The following AKAP19 variants were observed in gnomAD, a reference collection of about 807,000 sequenced individuals.
AKAP19 encodes the protein small A-kinase anchoring protein.
chr2:189,948,324 T>A, the AKAP19 span, among the ~76,000 whole-genome samples: 2 of 152,126 alleles, frequency 1.3e-5, no homozygotes, highest in Non-Finnish European at 2.9e-5. Flanking sequence ...ATGAGAAGAA[T>A]AATTTTCTTT....
the AKAP19 span, among the ~76,000 whole-genome samples, chr2:189,939,814 A>T: frequency 6.6e-6 from 1 of 152,206 alleles, no homozygotes; most frequent in Non-Finnish European, 1.5e-5. Flanking sequence ...TGGATCATTC[A>T]GAGGAAAGGA....
At chr2:189,998,603 A>C in the AKAP19 span, among the ~76,000 whole-genome samples, 13 of 152,170 alleles carry the variant, frequency 8.5e-5, no homozygotes, top group Admixed American at 8.5e-4. Context: ...GGTAAGAGTT[A>C]ATGTACTCTT....
the AKAP19 span, among the ~76,000 whole-genome samples, chr2:189,966,182 T>TG: frequency 2.8e-5 from 4 of 141,872 alleles, no homozygotes; most frequent in South Asian, 2.5e-4. Flanking sequence ...TTTGGGTACC[T>TG]GGGGGGGAAA....
the AKAP19 span, among the ~76,000 whole-genome samples, chr2:189,918,536 A>C: frequency 1.3e-5 from 2 of 152,190 alleles, no homozygotes; most frequent in African/African-American, 2.4e-5. Context: ...AATGTGGAGA[A>C]ATTGTAACAC....
At chr2:189,947,232 A>T in the AKAP19 span, among the ~76,000 whole-genome samples, 3 of 152,206 alleles carry the variant, frequency 2.0e-5, no homozygotes, top group Non-Finnish European at 4.4e-5. Context: ...AACAGAAAGA[A>T]GATCAGTTTG....
At chr2:189,898,618 C>T in the AKAP19 span, among the ~76,000 whole-genome samples, 1,413 of 152,254 alleles carry the variant, frequency 9.3e-3, 20 homozygotes, top group South Asian at 0.052. Context: ...AGAGTCCACC[C>T]AAGCTCTCAA....
At chr2:190,086,164 ATAGAT>A in the AKAP19 span, among the ~76,000 whole-genome samples, 1 of 152,248 alleles carries the variant, frequency 6.6e-6, no homozygotes, top group Non-Finnish European at 1.5e-5. Flanking sequence ...TAACATACAC[ATAGAT>A]TAGACTTGAA....
At chr2:190,000,585 A>G in the AKAP19 span, among the ~76,000 whole-genome samples, 1 of 152,214 alleles carries the variant, frequency 6.6e-6, no homozygotes, top group African/African-American at 2.4e-5. Flanking sequence ...TGGAACTATT[A>G]GGGGAAACAT....
the AKAP19 span, chr2:190,199,766 C>G: frequency 6.5e-7 from 1 of 1,540,860 alleles, no homozygotes; most frequent in Non-Finnish European, 8.7e-7. Flanking sequence ...AGGGAAAGCA[C>G]TGGTCAACAT....
the AKAP19 span, among the ~76,000 whole-genome samples, chr2:189,991,582 A>G: frequency 4.6e-5 from 7 of 152,158 alleles, no homozygotes; most frequent in Non-Finnish European, 7.4e-5. Flanking sequence ...AATTCTTTAT[A>G]GATTCTGGTT....
chr2:189,939,971 C>A, the AKAP19 span, among the ~76,000 whole-genome samples: 1 of 151,938 alleles, frequency 6.6e-6, no homozygotes, highest in African/African-American at 2.4e-5. Context: ...AAGGCAAAAC[C>A]CCATCTCTAC....
chr2:189,890,386 GTA>G, the AKAP19 span, among the ~76,000 whole-genome samples: 2 of 152,192 alleles, frequency 1.3e-5, no homozygotes, highest in African/African-American at 2.4e-5. Context: ...TGAGAAGAAT[GTA>G]TATTCTGTTG....
the AKAP19 span, among the ~76,000 whole-genome samples, chr2:190,038,986 CCTTTCT>C: frequency 5.1e-5 from 6 of 117,876 alleles, no homozygotes; most frequent in African/African-American, 2.0e-4. Flanking sequence ...TCTTCTTCTT[CCTTTCT>C]TTCTTCTCTT....
the AKAP19 span, among the ~76,000 whole-genome samples, chr2:190,009,113 G>A: frequency 6.6e-6 from 1 of 152,132 alleles, no homozygotes; most frequent in Non-Finnish European, 1.5e-5. Context: ...CACTGTGGGT[G>A]GAATAAATTC....
chr2:189,925,217 G>T, the AKAP19 span, among the ~76,000 whole-genome samples: 4 of 152,054 alleles, frequency 2.6e-5, no homozygotes, highest in Non-Finnish European at 5.9e-5. Flanking sequence ...TAACAATGTT[G>T]TGTGTTGACT....
the AKAP19 span, among the ~76,000 whole-genome samples, chr2:190,045,380 C>T: frequency 9.9e-5 from 15 of 151,890 alleles, no homozygotes; most frequent in African/African-American, 3.6e-4. Flanking sequence ...AGCACCGTCC[C>T]AGGGGGATTT....
At chr2:190,030,765 C>T in the AKAP19 span, among the ~76,000 whole-genome samples, 2 of 152,130 alleles carry the variant, frequency 1.3e-5, no homozygotes, top group South Asian at 4.1e-4. Context: ...TTGAAAGTGT[C>T]ATGTTTGTGA....
the AKAP19 span, among the ~76,000 whole-genome samples, chr2:189,999,031 C>T: frequency 2.0e-5 from 3 of 152,008 alleles, no homozygotes; most frequent in African/African-American, 7.2e-5. Flanking sequence ...CACAGCCTCC[C>T]AAAGTGCTGA....
chr2:189,980,905 A>G, the AKAP19 span, among the ~76,000 whole-genome samples: 2 of 152,142 alleles, frequency 1.3e-5, no homozygotes, highest in Admixed American at 6.6e-5. Flanking sequence ...TGATTTGGAT[A>G]TTTTTGAATT....
Sources: allele counts gnomAD v4.1 joint callset (sites outside exome capture counted in the v4.1 genomes callset), GRCh38; gene constraint gnomAD v4.1.1; transcripts MANE v1.5; gene names NCBI Gene and HGNC (gene_info 2026-07-23, HGNC 2026-07-21).